Variants in EXOC4 observed in about 807,000 individuals in gnomAD.
EXOC4 encodes exocyst complex component 4.
A neutral mutation model predicts 107.2 loss-of-function variants in EXOC4; 71 were observed. That is an observed-to-expected ratio of 0.66 (90% CI 0.55 to 0.81). The LOEUF is 0.81. Among genes scored for constraint, EXOC4 ranks in the 30% least tolerant of loss-of-function variants. The pLI is 0.00. For missense variants in EXOC4, 1,108 were observed against 1,189.6 expected (o/e 0.93, Z 1.01); for synonymous variants, 456 against 441.2 (o/e 1.03, Z -0.42).
intron 9 of EXOC4, among the ~76,000 whole-genome samples, chr7:133,536,415 T>A (rs1303766306): frequency 1.3e-5 from 2 of 152,176 alleles, no homozygotes; most frequent in Non-Finnish European, 2.9e-5. Flanking sequence ...TGAAGTTTAC[T>A]TTGACCATGC....
intron 6 of EXOC4, among the ~76,000 whole-genome samples, chr7:133,370,525 G>T (rs563014320): frequency 6.6e-6 from 1 of 152,242 alleles, no homozygotes; most frequent in African/African-American, 2.4e-5. Flanking sequence ...TGACCAGAGG[G>T]ATGACGTTGA....
chr7:133,462,321 T>G (rs1182871982), intron 7 of EXOC4, among the ~76,000 whole-genome samples: 1 of 152,138 alleles, frequency 6.6e-6, no homozygotes, highest in Non-Finnish European at 1.5e-5. Context: ...ATATTGACCT[T>G]TAGCTAGAAA....
intron 10 of EXOC4, among the ~76,000 whole-genome samples, chr7:133,792,732 A>G (rs1796731147): frequency 6.6e-6 from 1 of 152,192 alleles, no homozygotes; most frequent in Admixed American, 6.5e-5. Context: ...AAGTGGAGCT[A>G]TTGTAAAATA....
At chr7:133,514,212 T>A (rs1319565645) in intron 9 of EXOC4, among the ~76,000 whole-genome samples, 1 of 152,070 alleles carries the variant, frequency 6.6e-6, no homozygotes, top group Non-Finnish European at 1.5e-5. Flanking sequence ...TCGCCCAGGC[T>A]GGAGTGCATT....
intron 13 of EXOC4, among the ~76,000 whole-genome samples, chr7:133,925,613 T>C (rs937042484): frequency 3.9e-5 from 6 of 152,102 alleles, no homozygotes; most frequent in Non-Finnish European, 8.8e-5. Flanking sequence ...ATACCCTGAA[T>C]GAAAGAAGAA....
intron 9 of EXOC4, among the ~76,000 whole-genome samples, chr7:133,622,167 G>T (rs1156705046): frequency 6.6e-6 from 1 of 151,970 alleles, no homozygotes; most frequent in African/African-American, 2.4e-5. Context: ...TAGAGATAGG[G>T]TCTTGTTACA....
rs763424969 is a variant in EXOC4 at position 133,267,575 on chromosome 7, G to A, written c.87-7407G>A. Among the ~76,000 whole-genome samples, 51 of 152,066 alleles carry A rather than the reference G, an allele frequency of 3.4e-4. 1 individual carries two copies. Among genetic ancestry groups the A allele is most frequent in the African/African-American group, 1.2e-3 (48 of 41,408 alleles). On this transcript the variant is annotated intron_variant, in intron 1 of 17. Transcript: ENST00000253861. ...CCTCCTTGCCTGTCTTGGCTTTTGC[G>A]TAGCTGTTACCTCCCAGCTCCCCTC...
intron 9 of EXOC4, among the ~76,000 whole-genome samples, chr7:133,514,522 T>C (rs1345296412): frequency 2.0e-5 from 3 of 152,170 alleles, no homozygotes; most frequent in Non-Finnish European, 4.4e-5. Flanking sequence ...TTCTGATAAA[T>C]CCACTCCTGG....
chr7:133,480,505 A>G, intron 9 of EXOC4: 5 of 1,026,888 alleles, frequency 4.9e-6, no homozygotes, highest in Non-Finnish European at 6.0e-6. Flanking sequence ...ATATGACAGG[A>G]GTACCTGAGA....
chr7:133,937,349 C>T (rs1800327602), intron 13 of EXOC4, among the ~76,000 whole-genome samples: 1 of 152,100 alleles, frequency 6.6e-6, no homozygotes, highest in South Asian at 2.1e-4. Flanking sequence ...TGTGTTGGAT[C>T]CTTTTTAGAA....
intron 9 of EXOC4, among the ~76,000 whole-genome samples, chr7:133,504,967 A>G (rs1799641422): frequency 6.6e-6 from 1 of 152,106 alleles, no homozygotes; most frequent in South Asian, 2.1e-4. Context: ...TGGAAACCTC[A>G]GGGTTCAAAG....
rs966906245 is a variant in EXOC4, at chr7:133,676,496, G to A, written c.1514+46355G>A. 2.6e-5 allele frequency among the ~76,000 whole-genome samples: 4 copies of A among 152,094 alleles called. No homozygotes were observed. In the South Asian group the frequency reaches 8.3e-4, roughly 32 times the overall value. ...ACCAGTTCTTCTTCTAAATAGTTTG[G>A]CTGCCCTTCTGTGAGTCTTTTCTAG... On this transcript the variant is annotated intron_variant, in intron 10 of 17. Transcript: ENST00000253861.
chr7:133,792,571 A>AAAC (rs67189857), intron 10 of EXOC4, among the ~76,000 whole-genome samples: 8 of 151,654 alleles, frequency 5.3e-5, no homozygotes, highest in Non-Finnish European at 1.2e-4. Flanking sequence ...AAAAAAAAAA[A>AAAC]AACCTAAAAG....
chr7:133,255,516 A>C (rs1352683423), intron 1 of EXOC4, among the ~76,000 whole-genome samples: 3 of 152,164 alleles, frequency 2.0e-5, no homozygotes, highest in East Asian at 3.9e-4. Context: ...AGATCACTGC[A>C]TAACACTTTT....
intron 6 of EXOC4, among the ~76,000 whole-genome samples, chr7:133,365,037 C>G (rs1182421180): frequency 6.6e-6 from 1 of 152,128 alleles, no homozygotes; most frequent in Non-Finnish European, 1.5e-5. Flanking sequence ...CTGCCCATAC[C>G]TCACACTGTG....
chr7:133,638,617 T>G (rs1802771197), intron 10 of EXOC4, among the ~76,000 whole-genome samples: 1 of 152,182 alleles, frequency 6.6e-6, no homozygotes, highest in African/African-American at 2.4e-5. Context: ...GTCCTCTTTC[T>G]TTTTTTCTTC....
At chr7:134,095,174 A>C in the EXOC4 span, among the ~76,000 whole-genome samples, 1 of 152,114 alleles carries the variant, frequency 6.6e-6, no homozygotes, top group South Asian at 2.1e-4. Flanking sequence ...ATTCAAGCTG[A>C]GAGCCAAATC....
chr7:133,405,512 T>G (rs1343432885), intron 7 of EXOC4, among the ~76,000 whole-genome samples: 1 of 152,154 alleles, frequency 6.6e-6, no homozygotes, highest in Non-Finnish European at 1.5e-5. Context: ...TGGTAGCAAA[T>G]GTACCACATT....
intron 5 of EXOC4, among the ~76,000 whole-genome samples, chr7:133,341,159 A>G (rs1212569918): frequency 6.6e-6 from 1 of 152,026 alleles, no homozygotes; most frequent in African/African-American, 2.4e-5. Flanking sequence ...TTTTTGATGT[A>G]GGTGTTCAAC....
Sources: allele counts gnomAD v4.1 joint callset (sites outside exome capture counted in the v4.1 genomes callset), GRCh38; gene constraint gnomAD v4.1.1; transcripts MANE v1.5; gene names NCBI Gene and HGNC (gene_info 2026-07-23, HGNC 2026-07-21).